IREB2: variants seen among roughly 807,000 people sequenced by gnomAD.
The protein encoded by IREB2 is iron responsive element binding protein 2.
Under a neutral mutation model 118.8 loss-of-function variants are expected in IREB2, and 39 were observed. That is an observed-to-expected ratio of 0.33 (90% CI 0.25 to 0.43). The LOEUF (loss-of-function observed/expected upper bound fraction) is 0.43. Among genes scored for constraint, IREB2 ranks in the 20% least tolerant of loss-of-function variants. IREB2 has a pLI of 1.00. For synonymous variants in IREB2, 372 were observed against 392.2 expected (o/e 0.95, Z 0.61); for missense variants, 900 against 1,147.3 (o/e 0.78, Z 3.11).
rs1486212455 is a variant in IREB2, at chr15:78,494,231, C to T, written c.2562C>T (p.Ser854=). Residue 854 remains serine, a synonymous_variant, in exon 20 of 22, where the codon TCC becomes TCT. Coordinates refer to ENST00000258886, the MANE Select transcript of IREB2 (RefSeq NM_004136.4). ...LAGKKYGSGN[S]RDWAAKGPYL... is the part of the protein sequence containing the mutation. ...GAAAGAAATATGGTTCAGGAAACTC[C>T]AGAGACTGGGCTGCCAAAGGACCGT... is the stretch of plus-strand genomic sequence containing the variant. 6.2e-7 allele frequency: 1 copy of T among 1,613,974 alleles called. No homozygotes were observed. Among genetic ancestry groups the T allele is most frequent in the Non-Finnish European group, 8.5e-7 (1 of 1,179,952 alleles).
chr15:78,443,797 C>T (rs2050883295), intron 2 of IREB2, among the ~76,000 whole-genome samples: 1 of 152,040 alleles, frequency 6.6e-6, no homozygotes, highest in Non-Finnish European at 1.5e-5. Flanking sequence ...CAGGTGTGTG[C>T]CACCACATCC....
chr15:78,454,415 A>G (rs1595988874), intron 2 of IREB2, among the ~76,000 whole-genome samples: 1 of 152,218 alleles, frequency 6.6e-6, no homozygotes, highest in Admixed American at 6.5e-5. Flanking sequence ...AGTGAAAAAA[A>G]TACAGGCATA....
chr15:78,476,039 A>G, intron 8 of IREB2, 149 bp from the exon 9 acceptor site: 1 of 500,898 alleles, frequency 2.0e-6, no homozygotes, highest in Non-Finnish European at 3.5e-6. Context: ...CCCCAAAACC[A>G]GAATGAGTTG....
At chr15:78,441,414 T>C (rs1484497555) in intron 2 of IREB2, among the ~76,000 whole-genome samples, 1 of 152,240 alleles carries the variant, frequency 6.6e-6, no homozygotes. Flanking sequence ...ACAGCTAGAT[T>C]GATCGTTTAC....
intron 4 of IREB2, 143 bp from the exon 5 acceptor site, chr15:78,466,128 T>C (rs1383292565): frequency 2.0e-6 from 1 of 508,962 alleles, no homozygotes; most frequent in Admixed American, 3.6e-5. Flanking sequence ...GATTTGCCTT[T>C]GAAACCTGAG....
In IREB2 at chr15:78,498,331, T is replaced by C. The variant is rs1206385070; in HGVS notation, c.*188T>C. The stretch of plus-strand genomic sequence containing the variant: ...TTCTTGATTTTAAATAATATACGAA[T>C]GGTGCTATTAATATTGCTAAAATCA... On this transcript the variant is annotated 3_prime_UTR_variant, in exon 22 of 22. Transcript: ENST00000258886. The C allele has an allele frequency of 4.6e-6, 2 of 435,046 alleles. No individual in the cohort carries two copies. Among genetic ancestry groups the C allele is most frequent in the Non-Finnish European group, 8.3e-6 (2 of 241,630 alleles). The allele number at this position is 435,046 out of a possible 1,614,324, so 26.9% of individuals were successfully genotyped here. A position where few individuals can be genotyped will look rare whatever the true frequency, so the allele number is the denominator to read the frequency against.
chr15:78,490,257 A>T (rs2051727486), intron 16 of IREB2, among the ~76,000 whole-genome samples, 165 bp from the exon 17 acceptor site: 1 of 152,212 alleles, frequency 6.6e-6, no homozygotes, highest in Non-Finnish European at 1.5e-5. Context: ...TTTAAAAAAA[A>T]GAAAAGAATA....
intron 18 of IREB2, among the ~76,000 whole-genome samples, chr15:78,492,056 A>T (rs1346013935): frequency 6.6e-6 from 1 of 152,220 alleles, no homozygotes; most frequent in East Asian, 1.9e-4. Context: ...TTTTCTAAAA[A>T]TAAAGACACT....
At chr15:78,491,641 G>A (rs953986015) in intron 18 of IREB2, among the ~76,000 whole-genome samples, 6 of 152,106 alleles carry the variant, frequency 3.9e-5, no homozygotes, top group Admixed American at 1.3e-4. Flanking sequence ...GGGATTACAG[G>A]CACGCGCCAC....
In IREB2 at chr15:78,438,312, C is replaced by A; in HGVS notation, c.-26C>A. 6.3e-7 allele frequency: 1 copy of A among 1,580,178 alleles called. No homozygotes were observed. Among genetic ancestry groups the A allele is most frequent in the East Asian group, 2.3e-5 (1 of 43,514 alleles). On this transcript the variant is annotated 5_prime_UTR_variant, in exon 1 of 22. Coordinates refer to ENST00000258886, the MANE Select transcript of IREB2 (RefSeq NM_004136.4). ...CCTTCTTCCCCCGCTGGCCCCCTCC[C>A]CGGAGGGATAATATGGTCTCCGGCG...
chr15:78,495,110 A>G (rs759255619), intron 20 of IREB2, among the ~76,000 whole-genome samples: 2 of 152,178 alleles, frequency 1.3e-5, no homozygotes, highest in Non-Finnish European at 2.9e-5. Context: ...TTGCCATTTC[A>G]TACTCACAGA....
At chr15:78,451,540 G>A (rs1426839720) in intron 2 of IREB2, among the ~76,000 whole-genome samples, 2 of 152,066 alleles carry the variant, frequency 1.3e-5, no homozygotes, top group African/African-American at 4.8e-5. Context: ...CTGCTTCTTA[G>A]GGACATTTTT....
rs1014186735 is a variant in IREB2 at position 78,499,502 on chromosome 15, G to C, written c.*1359G>C. The stretch of plus-strand genomic sequence containing the variant: ...GTTCACATTGCATAAAGAATTACTT[G>C]TTGTAAGCAAAATGCTGAAACTACC... On this transcript the variant is annotated 3_prime_UTR_variant, in exon 22 of 22. Coordinates refer to ENST00000258886, the MANE Select transcript of IREB2 (RefSeq NM_004136.4). 7 of 152,158 alleles carry C rather than the reference G, an allele frequency of 4.6e-5. No homozygotes were observed. Among genetic ancestry groups the C allele is most frequent in the African/African-American group, 1.7e-4 (7 of 41,522 alleles). The allele number at this position is 152,158 out of a possible 1,614,324, so 9.4% of individuals were successfully genotyped here.
At chr15:78,480,620 C>A (rs780852212) in intron 10 of IREB2, among the ~76,000 whole-genome samples, 1 of 138,622 alleles carries the variant, frequency 7.2e-6, no homozygotes, top group Non-Finnish European at 1.5e-5. Flanking sequence ...ACCCAGAAGG[C>A]GGAGGTTGCA....
At chr15:78,485,113 A>T (rs561535400) in intron 12 of IREB2, among the ~76,000 whole-genome samples, 193 bp downstream of exon 12, 4 of 152,224 alleles carry the variant, frequency 2.6e-5, no homozygotes, top group Non-Finnish European at 5.9e-5. Flanking sequence ...AGGTAAATTT[A>T]CTGTTTACTA....
At chr15:78,465,999 C>T (rs991599090) in intron 4 of IREB2, among the ~76,000 whole-genome samples, 2 of 152,112 alleles carry the variant, frequency 1.3e-5, no homozygotes, top group African/African-American at 4.8e-5. Flanking sequence ...TCAGTACTTG[C>T]TAAAAGTTAT....
chr15:78,492,725 T>C (rs995230396), intron 18 of IREB2, among the ~76,000 whole-genome samples: 1 of 152,134 alleles, frequency 6.6e-6, no homozygotes. Flanking sequence ...CATGCCTGGA[T>C]AATTTTTAAT....
At chr15:78,471,535 T>C (rs1179367453) in intron 6 of IREB2, among the ~76,000 whole-genome samples, 2 of 152,242 alleles carry the variant, frequency 1.3e-5, no homozygotes, top group Non-Finnish European at 2.9e-5. Flanking sequence ...TTTGAACATT[T>C]TTATTTGACC....
rs1596005922 is a variant in IREB2 at position 78,478,378 on chromosome 15, G to A, written c.1277G>A (p.Gly426Glu). Residue 426 changes from glycine (G) to glutamate (E), a missense_variant, in exon 10 of 22, where the codon GGA becomes GAA. Coordinates refer to ENST00000258886, the MANE Select transcript of IREB2 (RefSeq NM_004136.4). ...TTTCGAAATGACCAGAATTCTTCAG[G>A]AGAACCTGAATACTCCCAGGTATAT... The part of the protein sequence containing the change: ...KLFRNDQNSS[G>E]EPEYSQVIQI... The A allele has an allele frequency of 2.5e-6, 4 of 1,603,574 alleles. No homozygotes were observed. In the East Asian group the frequency reaches 6.7e-5, roughly 27 times the overall value.
Sources: allele counts gnomAD v4.1 joint callset (sites outside exome capture counted in the v4.1 genomes callset), GRCh38; gene constraint gnomAD v4.1.1; transcripts MANE v1.5; gene names NCBI Gene and HGNC (gene_info 2026-07-23, HGNC 2026-07-21).